Variants in MYO5B observed in about 807,000 individuals in gnomAD.
MYO5B encodes unconventional myosin-Vb.
A neutral mutation model predicts 229.3 loss-of-function variants in MYO5B; 143 were observed. The ratio of observed to expected loss-of-function variants is 0.62; its 90% CI spans 0.54 to 0.72. The LOEUF (loss-of-function observed/expected upper bound fraction) is 0.72. MYO5B is among the 30% of genes least tolerant of loss of function. The pLI is 0.00. For missense variants in MYO5B, 2,321 were observed against 2,331.0 expected (o/e 1.00, Z 0.09); for synonymous variants, 918 against 885.2 (o/e 1.04, Z -0.66).
chr18:49,974,662 G>T, intron 9 of MYO5B, 47 bp from the exon 10 acceptor site: 1 of 1,591,498 alleles, frequency 6.3e-7, no homozygotes, highest in East Asian at 2.2e-5. Flanking sequence ...TGGGAGACAA[G>T]CCGCCCCCCA....
chr18:50,118,277 C>G (rs2144526933), intron 1 of MYO5B, among the ~76,000 whole-genome samples: 1 of 152,334 alleles, frequency 6.6e-6, no homozygotes, highest in Middle Eastern at 3.4e-3. Flanking sequence ...AGACCTATGG[C>G]TGCCGCTGCA....
At chr18:49,829,860 G>A (rs1473468272) in intron 39 of MYO5B, among the ~76,000 whole-genome samples, 2 of 152,122 alleles carry the variant, frequency 1.3e-5, no homozygotes, top group African/African-American at 2.4e-5. Context: ...CATCTCAATC[G>A]ATGGAGAAAA....
intron 29 of MYO5B, among the ~76,000 whole-genome samples, chr18:49,858,981 G>T (rs574206936): frequency 2.6e-5 from 4 of 152,344 alleles, no homozygotes; most frequent in South Asian, 4.1e-4. Flanking sequence ...TGTTGAAAAT[G>T]TAAGTGCTTG....
At chr18:49,968,337 C>T (rs564774624) in intron 10 of MYO5B, among the ~76,000 whole-genome samples, 32 of 152,314 alleles carry the variant, frequency 2.1e-4, no homozygotes, top group Non-Finnish European at 4.6e-4. Flanking sequence ...TGGAAATTAT[C>T]GCCAGCCCAA....
intron 1 of MYO5B, among the ~76,000 whole-genome samples, chr18:50,125,008 C>T (rs2032134981): frequency 6.6e-6 from 1 of 151,960 alleles, no homozygotes; most frequent in South Asian, 2.1e-4. Context: ...TCTTCAGAAA[C>T]CAAGCCCACC....
At chr18:50,086,122 T>C (rs1483119748) in intron 1 of MYO5B, among the ~76,000 whole-genome samples, 2 of 152,132 alleles carry the variant, frequency 1.3e-5, no homozygotes, top group Non-Finnish European at 2.9e-5. Context: ...CTTTTTGAAG[T>C]ACAGAGTTAA....
At chr18:49,834,439 G>C (rs992526871) in intron 39 of MYO5B, among the ~76,000 whole-genome samples, 1 of 152,146 alleles carries the variant, frequency 6.6e-6, no homozygotes, top group Non-Finnish European at 1.5e-5. Flanking sequence ...CCTGTTTTCT[G>C]AATCACTGCG....
chr18:50,073,900 C>T (rs3862688), intron 1 of MYO5B, among the ~76,000 whole-genome samples: 18,841 of 152,162 alleles, frequency 0.12, 1,283 homozygotes, highest in Non-Finnish European at 0.15. Context: ...ATTCACTCTA[C>T]TACCAACAGG....
At chr18:49,869,153 G>A (rs2024429937) in intron 27 of MYO5B, among the ~76,000 whole-genome samples, 1 of 152,126 alleles carries the variant, frequency 6.6e-6, no homozygotes, top group South Asian at 2.1e-4. Context: ...ATTTTGGAGG[G>A]CACAGTACAC....
At chr18:50,139,479 T>C (rs1037391162) in intron 1 of MYO5B, among the ~76,000 whole-genome samples, 1 of 152,246 alleles carries the variant, frequency 6.6e-6, no homozygotes, top group Non-Finnish European at 1.5e-5. Context: ...TTTTGAGTTA[T>C]GGACACTTTT....
chr18:50,078,144 T>C (rs75635114), intron 1 of MYO5B, among the ~76,000 whole-genome samples: 1,594 of 152,220 alleles, frequency 0.01, 16 homozygotes, highest in Non-Finnish European at 0.018. Context: ...TATAGCAGAG[T>C]TCCCAAACTC....
At chr18:49,955,523 G>A (rs986256181) in intron 12 of MYO5B, among the ~76,000 whole-genome samples, 2 of 152,092 alleles carry the variant, frequency 1.3e-5, no homozygotes, top group East Asian at 1.9e-4. Flanking sequence ...TGCACTAGCC[G>A]TTTACAAAGG....
At chr18:50,081,470 G>A (rs1414297561) in intron 1 of MYO5B, among the ~76,000 whole-genome samples, 5 of 152,228 alleles carry the variant, frequency 3.3e-5, no homozygotes, top group Admixed American at 1.3e-4. Flanking sequence ...CTGTAAAGGT[G>A]GTGGGAAAAG....
At chr18:49,830,145 CCACACA>C (rs57718809) in intron 39 of MYO5B, among the ~76,000 whole-genome samples, 14 of 150,014 alleles carry the variant, frequency 9.3e-5, no homozygotes, top group South Asian at 4.2e-4. Flanking sequence ...CTGAAAGAAT[CCACACA>C]CACACACACA....
chr18:49,827,578 G>A (rs773447194), intron 39 of MYO5B, among the ~76,000 whole-genome samples: 12 of 152,064 alleles, frequency 7.9e-5, no homozygotes, highest in Non-Finnish European at 1.3e-4. Flanking sequence ...TGAGCAGGCA[G>A]AAGAAAATCA....
chr18:49,924,942 A>C (rs2025112773), intron 17 of MYO5B, among the ~76,000 whole-genome samples: 1 of 152,206 alleles, frequency 6.6e-6, no homozygotes, highest in Non-Finnish European at 1.5e-5. Flanking sequence ...AAAAAAACAA[A>C]AACAGTATAT....
At chr18:50,097,645 G>T (rs900646660) in intron 1 of MYO5B, 1 of 183,570 alleles carries the variant, frequency 5.4e-6, no homozygotes, top group Non-Finnish European at 1.1e-5. Flanking sequence ...AGCATGATGG[G>T]TATGTCGACC....
intron 1 of MYO5B, among the ~76,000 whole-genome samples, chr18:50,128,237 T>C (rs563718342): frequency 9.2e-5 from 14 of 152,110 alleles, no homozygotes; most frequent in Admixed American, 8.5e-4. Context: ...CTTCCAGAAG[T>C]CTAAGAAATT....
At chr18:50,101,416 T>C (rs1054544646) in intron 1 of MYO5B, among the ~76,000 whole-genome samples, 3 of 152,182 alleles carry the variant, frequency 2.0e-5, no homozygotes, top group Non-Finnish European at 2.9e-5. Flanking sequence ...CCTAGGCATA[T>C]TGATTGACAC....
Sources: allele counts gnomAD v4.1 joint callset (sites outside exome capture counted in the v4.1 genomes callset), GRCh38; gene constraint gnomAD v4.1.1; transcripts MANE v1.5; gene names NCBI Gene and HGNC (gene_info 2026-07-23, HGNC 2026-07-21).